Variants in USH2A observed in about 807,000 individuals in gnomAD.
USH2A encodes Usher syndrome 2A (autosomal recessive, mild).
USH2A carries 443 observed loss-of-function variants against 538.9 expected under a neutral mutation model. That is an observed-to-expected ratio of 0.82 (90% CI 0.76 to 0.89). USH2A has a LOEUF of 0.89. Among genes scored for constraint, USH2A ranks in the 40% least tolerant of loss-of-function variants. The pLI is 0.00. For missense variants in USH2A, 6,633 were observed against 6,324.8 expected (o/e 1.05, Z -1.65); for synonymous variants, 2,413 against 2,273.5 (o/e 1.06, Z -1.75).
At chr1:216,003,341 T>G (rs1241180804) in intron 32 of USH2A, among the ~76,000 whole-genome samples, 1 of 152,154 alleles carries the variant, frequency 6.6e-6, no homozygotes, top group Admixed American at 6.6e-5. Flanking sequence ...AGATAGCATG[T>G]CTTTAAAGTG....
At chr1:216,054,824 T>G (rs1312455350) in intron 30 of USH2A, among the ~76,000 whole-genome samples, 5 of 152,170 alleles carry the variant, frequency 3.3e-5, no homozygotes. Flanking sequence ...TGGACAGGTG[T>G]CTGCATTGAT....
chr1:215,877,985 G>A (rs940952659), intron 42 of USH2A, 105 bp from the exon 43 acceptor site: 5 of 1,487,902 alleles, frequency 3.4e-6, no homozygotes, highest in Admixed American at 3.4e-5. Context: ...ATGCGTGGAA[G>A]CATAAAGAAT....
chr1:216,066,687 C>T (rs1013682313), intron 30 of USH2A, among the ~76,000 whole-genome samples: 2 of 152,082 alleles, frequency 1.3e-5, no homozygotes, highest in Admixed American at 1.3e-4. Context: ...TCTTATTTAC[C>T]TAGAAGGATT....
chr1:216,341,335 G>A (rs1331893716), intron 4 of USH2A, among the ~76,000 whole-genome samples: 1 of 151,988 alleles, frequency 6.6e-6, no homozygotes, highest in African/African-American at 2.4e-5. Context: ...ACTGCTCAAG[G>A]AAATAAGAGA....
intron 21 of USH2A, among the ~76,000 whole-genome samples, chr1:216,099,801 A>G (rs947216995): frequency 6.6e-6 from 1 of 152,170 alleles, no homozygotes; most frequent in Non-Finnish European, 1.5e-5. Context: ...TAAGGAAGGA[A>G]ATCTGGGGTT....
chr1:216,228,905 G>A (rs776441340), intron 14 of USH2A, among the ~76,000 whole-genome samples: 11 of 151,864 alleles, frequency 7.2e-5, no homozygotes, highest in South Asian at 6.2e-4. Flanking sequence ...ACACACACTC[G>A]GCTCAAGCCT....
rs1301610308 is a variant in USH2A, at chr1:215,730,818, C to A, written c.11712-2434G>T. Among the ~76,000 whole-genome samples the A allele has an allele frequency of 3.9e-5, 6 of 152,168 alleles. No individual in the cohort carries two copies. The South Asian group carries it at 6.2e-4, about 16-fold the overall frequency. The stretch of plus-strand genomic sequence containing the variant: ...CAGCCCACCTCATTATTGCTCACTA[C>A]CATGCGTGAACCAGATTCTGCACTC... On this transcript the variant is annotated intron_variant, in intron 60 of 71. Transcript: ENST00000307340.
chr1:216,314,287 C>T (rs539051501), intron 9 of USH2A, among the ~76,000 whole-genome samples: 1 of 152,090 alleles, frequency 6.6e-6, no homozygotes, highest in African/African-American at 2.4e-5. Flanking sequence ...AGAACTAGTA[C>T]AAGTGTTTTT....
chr1:215,794,544 C>T (rs982491281), intron 50 of USH2A, among the ~76,000 whole-genome samples: 13 of 152,034 alleles, frequency 8.6e-5, no homozygotes, highest in Non-Finnish European at 1.9e-4. Flanking sequence ...CAGGAGTGAA[C>T]GGCAGCAGAG....
chr1:216,011,907 A>T (rs2102493181), intron 32 of USH2A, among the ~76,000 whole-genome samples: 1 of 145,248 alleles, frequency 6.9e-6, no homozygotes, highest in East Asian at 2.0e-4. Context: ...TCTCTGATCC[A>T]CCTGACATTC....
At chr1:216,200,439 A>C (rs941848830) in intron 16 of USH2A, among the ~76,000 whole-genome samples, 1 of 152,216 alleles carries the variant, frequency 6.6e-6, no homozygotes, top group African/African-American at 2.4e-5. Context: ...ACAGAAAAGT[A>C]ACTATGTTTC....
chr1:216,046,389 A>T, intron 32 of USH2A, 42 bp downstream of exon 32: 1 of 1,611,182 alleles, frequency 6.2e-7, no homozygotes, highest in Admixed American at 1.7e-5. Context: ...TTATATTTGA[A>T]TATAGACTAT....
At chr1:215,760,524 G>A (rs1558086304) in intron 56 of USH2A, among the ~76,000 whole-genome samples, 1 of 152,142 alleles carries the variant, frequency 6.6e-6, no homozygotes, top group Non-Finnish European at 1.5e-5. Flanking sequence ...GAAACTCTGA[G>A]TGTGAGACTC....
chr1:215,696,980 TCTTA>T (rs1003260336), intron 61 of USH2A, among the ~76,000 whole-genome samples: 7 of 152,006 alleles, frequency 4.6e-5, no homozygotes, highest in Non-Finnish European at 8.8e-5. Flanking sequence ...TGAGACAGGG[TCTTA>T]CTTTGACACT....
chr1:216,054,510 C>T (rs1268400937), intron 30 of USH2A, among the ~76,000 whole-genome samples: 1 of 152,150 alleles, frequency 6.6e-6, no homozygotes, highest in African/African-American at 2.4e-5. Context: ...TGATTAACTC[C>T]TCTGACTAAA....
chr1:216,040,048 TACACACACA>T (rs2030198302), intron 32 of USH2A, among the ~76,000 whole-genome samples: 2 of 146,324 alleles, frequency 1.4e-5, no homozygotes, highest in African/African-American at 5.0e-5. Flanking sequence ...GTCTCTCAAT[TACACACACA>T]CACACACACA....
intron 32 of USH2A, among the ~76,000 whole-genome samples, chr1:216,017,688 C>T (rs935557890): frequency 6.6e-6 from 1 of 152,104 alleles, no homozygotes; most frequent in East Asian, 1.9e-4. Flanking sequence ...TTTCAAATAT[C>T]GTAGTGAAGA....
chr1:216,415,733 C>A (rs1044979707), intron 3 of USH2A, among the ~76,000 whole-genome samples: 20 of 151,790 alleles, frequency 1.3e-4, no homozygotes, highest in African/African-American at 4.8e-4. Context: ...TGCCATGTTG[C>A]CCAGGCTGGC....
chr1:215,821,794 A>T (rs1045384637), intron 47 of USH2A, among the ~76,000 whole-genome samples: 1 of 151,816 alleles, frequency 6.6e-6, no homozygotes, highest in Non-Finnish European at 1.5e-5. Context: ...GAATGCGGTA[A>T]GAGATAGGGG....
Sources: allele counts gnomAD v4.1 joint callset (sites outside exome capture counted in the v4.1 genomes callset), GRCh38; gene constraint gnomAD v4.1.1; transcripts MANE v1.5; gene names NCBI Gene and HGNC (gene_info 2026-07-23, HGNC 2026-07-21).